The following HTR1F variants were observed in gnomAD, a reference collection of about 807,000 sequenced individuals.
HTR1F encodes the protein 5-hydroxytryptamine (serotonin) receptor 1F, G protein-coupled.
HTR1F carries 17 observed loss-of-function variants against 24.0 expected under a neutral mutation model. The observed-to-expected ratio is 0.71, with a 90% confidence interval of 0.48 to 1.06. HTR1F has a LOEUF of 1.06. HTR1F is among the 50% of genes least tolerant of loss of function. HTR1F has a pLI of 0.00. For synonymous variants in HTR1F, 186 were observed against 156.8 expected, an observed-to-expected ratio of 1.19 and a Z score of -1.39; for missense variants, 391 against 427.8, an observed-to-expected ratio of 0.91 and a Z score of 0.76.
intron 2 of HTR1F, among the ~76,000 whole-genome samples, chr3:87,839,855 G>A (rs1704762884): frequency 6.6e-6 from 1 of 152,118 alleles, no homozygotes; most frequent in Admixed American, 6.6e-5. Flanking sequence ...GAAACATGCA[G>A]TATTTGGTTT....
chr3:87,983,594 T>C (rs1375845269), intron 2 of HTR1F, among the ~76,000 whole-genome samples: 1 of 152,190 alleles, frequency 6.6e-6, no homozygotes, highest in African/African-American at 2.4e-5. Flanking sequence ...GCCTATTTTC[T>C]CAGCTTGTTG....
chr3:87,983,751 C>G (rs138990375), intron 2 of HTR1F, among the ~76,000 whole-genome samples: 5 of 152,306 alleles, frequency 3.3e-5, no homozygotes, highest in Non-Finnish European at 7.4e-5. Context: ...AATATAAACC[C>G]TAAATTTCAA....
chr3:87,951,047 G>T (rs1342916778), intron 2 of HTR1F, among the ~76,000 whole-genome samples: 4 of 151,938 alleles, frequency 2.6e-5, no homozygotes, highest in African/African-American at 4.8e-5. Flanking sequence ...CATTAGTTCT[G>T]CTTTCAGAAG....
chr3:87,852,306 C>T (rs1257448516), intron 2 of HTR1F, among the ~76,000 whole-genome samples: 1 of 151,444 alleles, frequency 6.6e-6, no homozygotes, highest in African/African-American at 2.4e-5. Flanking sequence ...TTCTTTATAT[C>T]TGTTTTATAG....
chr3:87,863,714 G>T (rs1199239056), intron 2 of HTR1F, among the ~76,000 whole-genome samples: 8 of 152,048 alleles, frequency 5.3e-5, no homozygotes, highest in Non-Finnish European at 1.0e-4. Context: ...CCAATTCCAA[G>T]GCCACTTCTA....
At chr3:87,950,680 G>A (rs563820790) in intron 2 of HTR1F, among the ~76,000 whole-genome samples, 1 of 152,120 alleles carries the variant, frequency 6.6e-6, no homozygotes, top group Non-Finnish European at 1.5e-5. Context: ...AGTGCATTTG[G>A]TATGGGAAGA....
chr3:87,920,368 C>T lies in HTR1F; in HGVS notation c.-42-70340C>T, dbSNP rs1212064613. Among the ~76,000 whole-genome samples the T allele has an allele frequency of 6.6e-5, 10 of 151,826 alleles. No homozygotes were observed. In the South Asian group the frequency reaches 1.9e-3, roughly 28 times the overall value. ...CCACTAAAGAACTTACTCATGTAACCAAACACCACCTGTTCCCCCAATAAC... is the reference window on the plus strand; with the variant it reads ...CCACTAAAGAACTTACTCATGTAACTAAACACCACCTGTTCCCCCAATAAC... On this transcript the variant is annotated intron_variant, in intron 2 of 2. Coordinates refer to ENST00000319595, the MANE Select transcript of HTR1F (RefSeq NM_001322209.2).
At chr3:87,846,808 A>G (rs1199942084) in intron 2 of HTR1F, among the ~76,000 whole-genome samples, 1 of 151,980 alleles carries the variant, frequency 6.6e-6, no homozygotes, top group Admixed American at 6.6e-5. Context: ...TAAGATTTAT[A>G]GCTTTTGAAA....
chr3:87,926,241 C>A (rs1219810663), intron 2 of HTR1F, among the ~76,000 whole-genome samples: 1 of 152,140 alleles, frequency 6.6e-6, no homozygotes, highest in Non-Finnish European at 1.5e-5. Context: ...ACACTCACTG[C>A]AGTTCATTCA....
chr3:87,935,173 C>T (rs746545631), intron 2 of HTR1F, among the ~76,000 whole-genome samples: 1 of 152,090 alleles, frequency 6.6e-6, no homozygotes, highest in African/African-American at 2.4e-5. Context: ...TGGTTCTTAA[C>T]GGTTACTTCA....
intron 2 of HTR1F, among the ~76,000 whole-genome samples, chr3:87,979,029 AGGG>A (rs1705468231): frequency 3.2e-4 from 1 of 3,152 alleles, no homozygotes; most frequent in African/African-American, 6.0e-4. Context: ...GGAGGGAGGG[AGGG>A]AGGGAGGGGG....
intron 2 of HTR1F, among the ~76,000 whole-genome samples, chr3:87,925,811 T>C (rs779601257): frequency 1.3e-4 from 20 of 152,172 alleles, no homozygotes; most frequent in Non-Finnish European, 2.6e-4. Context: ...CCCTTTACCA[T>C]TTCTCTACAA....
At chr3:87,809,383 A>G (rs1399139096) in intron 1 of HTR1F, among the ~76,000 whole-genome samples, 1 of 151,970 alleles carries the variant, frequency 6.6e-6, no homozygotes, top group African/African-American at 2.4e-5. Context: ...ATTTTTAAGA[A>G]GCGATTTCAA....
intron 2 of HTR1F, among the ~76,000 whole-genome samples, chr3:87,848,265 A>G (rs1704992696): frequency 6.6e-6 from 1 of 151,820 alleles, no homozygotes; most frequent in Non-Finnish European, 1.5e-5. Context: ...CCTGGAGATT[A>G]CTGATGCTGA....
intron 2 of HTR1F, among the ~76,000 whole-genome samples, chr3:87,988,719 C>A (rs1705735170): frequency 6.6e-6 from 1 of 151,796 alleles, no homozygotes. Flanking sequence ...CAGGCGTGTG[C>A]CACCAAGCCC....
intron 2 of HTR1F, among the ~76,000 whole-genome samples, chr3:87,916,945 A>G (rs1703907839): frequency 6.6e-6 from 1 of 152,120 alleles, no homozygotes; most frequent in South Asian, 2.1e-4. Context: ...TTTCTCCAAG[A>G]TAGACCACAT....
intron 2 of HTR1F, among the ~76,000 whole-genome samples, chr3:87,859,940 T>C (rs1260493481): frequency 6.6e-6 from 1 of 152,184 alleles, no homozygotes; most frequent in Non-Finnish European, 1.5e-5. Context: ...TAAATTGATA[T>C]CTTATTAGAA....
intron 2 of HTR1F, among the ~76,000 whole-genome samples, chr3:87,895,536 CA>C (rs1706179721): frequency 6.6e-6 from 1 of 151,940 alleles, no homozygotes; most frequent in Non-Finnish European, 1.5e-5. Context: ...TCTTTCTCTT[CA>C]AAAGAATTTG....
At chr3:87,800,988 C>G (rs1264252644) in intron 1 of HTR1F, among the ~76,000 whole-genome samples, 1 of 152,152 alleles carries the variant, frequency 6.6e-6, no homozygotes, top group Non-Finnish European at 1.5e-5. Context: ...CTCAATAACC[C>G]ACTTTAGTGT....
Sources: allele counts gnomAD v4.1 joint callset (sites outside exome capture counted in the v4.1 genomes callset), GRCh38; gene constraint gnomAD v4.1.1; transcripts MANE v1.5; gene names NCBI Gene and HGNC (gene_info 2026-07-23, HGNC 2026-07-21).